The following DYSF variants were observed in gnomAD, a reference collection of about 807,000 sequenced individuals.
DYSF encodes dystrophy-associated fer-1-like 1.
DYSF carries 212 observed loss-of-function variants against 274.9 expected under a neutral mutation model. That is an observed-to-expected ratio of 0.77 (90% CI 0.69 to 0.86). DYSF has a LOEUF of 0.86. Among genes scored for constraint, DYSF ranks in the 40% least tolerant of loss-of-function variants. The pLI, the probability that DYSF is intolerant of heterozygous loss-of-function variation, is 0.00. For missense variants in DYSF, 2,666 were observed against 2,783.2 expected, an observed-to-expected ratio of 0.96 and a Z score of 0.95; for synonymous variants, 1,091 against 1,078.7, an observed-to-expected ratio of 1.01 and a Z score of -0.22.
At chr2:71,526,146 G>C in intron 12 of DYSF, 74 bp from the exon 13 acceptor site, 1 of 1,613,100 alleles carries the variant, frequency 6.2e-7, no homozygotes, top group Non-Finnish European at 8.5e-7. Context: ...GGCGAAGCTG[G>C]AACTCTTAGA....
chr2:71,678,505 G>A (rs929781879), intron 52 of DYSF, among the ~76,000 whole-genome samples: 1 of 152,152 alleles, frequency 6.6e-6, no homozygotes, highest in African/African-American at 2.4e-5. Context: ...ACAGAAAGTA[G>A]ACTAGAGGTT....
At chr2:71,458,102 T>G (rs2081144614) in intron 1 of DYSF, among the ~76,000 whole-genome samples, 1 of 152,172 alleles carries the variant, frequency 6.6e-6, no homozygotes, top group African/African-American at 2.4e-5. Flanking sequence ...GCAAGTTACT[T>G]AACCACTCTG....
chr2:71,551,973 C>T (rs556635177), intron 19 of DYSF, among the ~76,000 whole-genome samples: 1 of 152,330 alleles, frequency 6.6e-6, no homozygotes, highest in South Asian at 2.1e-4. Flanking sequence ...GAGCTTGATG[C>T]AAAATGAGAT....
intron 41 of DYSF, among the ~76,000 whole-genome samples, chr2:71,628,327 A>G (rs1268324869): frequency 6.6e-6 from 1 of 152,016 alleles, no homozygotes. Context: ...CTTTTGTACA[A>G]TATTTTAGTT....
At chr2:71,645,702 G>A (rs114950228) in intron 42 of DYSF, among the ~76,000 whole-genome samples, 2,635 of 151,988 alleles carry the variant, frequency 0.017, 74 homozygotes, top group African/African-American at 0.06. Context: ...CCTCTACCCA[G>A]CACTTACCTG....
intron 42 of DYSF, among the ~76,000 whole-genome samples, chr2:71,653,269 A>G (rs1443493458): frequency 6.6e-6 from 1 of 152,202 alleles, no homozygotes; most frequent in Non-Finnish European, 1.5e-5. Flanking sequence ...TCAGGGATCT[A>G]GAACTAGAAA....
intron 17 of DYSF, among the ~76,000 whole-genome samples, chr2:71,541,551 C>T (rs923457490): frequency 2.6e-5 from 4 of 151,076 alleles, no homozygotes; most frequent in Non-Finnish European, 4.4e-5. Flanking sequence ...TATTTTAAAA[C>T]TTTATTGGAC....
rs74489386 is a variant in DYSF, at chr2:71,655,526, A to G, written c.4627-636A>G. Among the ~76,000 whole-genome samples the G allele has an allele frequency of 3.2e-3, 488 of 152,366 alleles. 1 individual carries two copies. Among genetic ancestry groups the G allele is most frequent in the African/African-American group, 0.011 (476 of 41,588 alleles). On this transcript the variant is annotated intron_variant, in intron 42 of 55. Transcript: ENST00000410020. ...TTGCTGCTTTATTAAATCCTAAGCA[A>G]TTCTAAAGCACTGCTTTAACAAATA...
intron 36 of DYSF, among the ~76,000 whole-genome samples, chr2:71,608,277 G>C (rs2093681661): frequency 6.6e-6 from 1 of 152,036 alleles, no homozygotes; most frequent in South Asian, 2.1e-4. Context: ...GGTGGATTTG[G>C]GAGATGGGGA....
intron 3 of DYSF, among the ~76,000 whole-genome samples, chr2:71,487,097 C>T (rs577723018): frequency 5.3e-5 from 8 of 152,294 alleles, no homozygotes; most frequent in Middle Eastern, 3.4e-3. Context: ...GTTTTCATTG[C>T]GCAGCCTGGG....
intron 18 of DYSF, 27 bp from the exon 19 acceptor site, chr2:71,551,580 C>T (rs1219982756): frequency 1.9e-6 from 3 of 1,579,554 alleles, no homozygotes; most frequent in East Asian, 4.5e-5. Flanking sequence ...GTCTCCCCTG[C>T]TCCTTGTGAC....
intron 22 of DYSF, among the ~76,000 whole-genome samples, chr2:71,560,088 G>C (rs111568061): frequency 2.6e-5 from 4 of 152,324 alleles, no homozygotes; most frequent in Non-Finnish European, 5.9e-5. Flanking sequence ...GCTTTGCTTA[G>C]GGCTGGGTGG....
rs771665705 is a variant in DYSF, at chr2:71,669,163, C to T, written c.5598C>T (p.Asp1866=). ...IWNTRDVILD[D]LSLTGEKMSD... ...ATACCAGAGATGTGATCCTGGATGACCTGAGCCTCACGGGGGAGAAGATGA... is the reference window on the plus strand; with the variant it reads ...ATACCAGAGATGTGATCCTGGATGATCTGAGCCTCACGGGGGAGAAGATGA... Residue 1866 remains aspartate, a synonymous_variant, in exon 50 of 56, where the codon GAC becomes GAT. Transcript: ENST00000410020. 1 of 1,610,780 alleles carries T rather than the reference C, an allele frequency of 6.2e-7. No homozygotes were observed. The highest frequency in any genetic ancestry group is 8.5e-7 in the Non-Finnish European group (1 of 1,178,618).
intron 19 of DYSF, among the ~76,000 whole-genome samples, chr2:71,552,134 C>T (rs1230890209): frequency 6.6e-6 from 1 of 152,234 alleles, no homozygotes; most frequent in African/African-American, 2.4e-5. Flanking sequence ...ATCCCCATTT[C>T]ACAGATGAGG....
intron 46 of DYSF, among the ~76,000 whole-genome samples, 185 bp downstream of exon 46, chr2:71,664,623 A>G (rs1286900564): frequency 6.6e-6 from 1 of 152,196 alleles, no homozygotes; most frequent in African/African-American, 2.4e-5. Flanking sequence ...TGAAGCCCAG[A>G]GATGTTATTG....
chr2:71,479,109 G>A (rs973450624), intron 1 of DYSF, among the ~76,000 whole-genome samples: 2 of 148,056 alleles, frequency 1.4e-5, no homozygotes, highest in African/African-American at 5.0e-5. Flanking sequence ...GGAGACCAAA[G>A]GCTTTCCACT....
intron 30 of DYSF, among the ~76,000 whole-genome samples, chr2:71,582,231 A>G (rs939564443): frequency 1.3e-5 from 2 of 151,542 alleles, no homozygotes; most frequent in South Asian, 2.1e-4. Context: ...CAGAGACCCT[A>G]TGGCCCACGA....
In DYSF at chr2:71,589,588, T is replaced by C. The variant is rs748560095; in HGVS notation, c.3403-5T>C. On this transcript the variant is annotated splice_region_variant and splice_polypyrimidine_tract_variant and intron_variant, in intron 30 of 55. Transcript: ENST00000410020. ...AATCTGCCATAACCAGCTTCGTGTCTCCAGGGCGGCGTGATGGATGACAAG... is the reference window on the plus strand; with the variant it reads ...AATCTGCCATAACCAGCTTCGTGTCCCCAGGGCGGCGTGATGGATGACAAG... The C allele has an allele frequency of 1.2e-6, 2 of 1,613,760 alleles. No homozygotes were observed. Among genetic ancestry groups the C allele is most frequent in the African/African-American group, 2.7e-5 (2 of 74,878 alleles).
At position 71,686,700 on chromosome 2, in the gene DYSF, C is replaced by A; in HGVS notation, c.*208C>A. On this transcript the variant is annotated 3_prime_UTR_variant, in exon 56 of 56. Coordinates refer to ENST00000410020, the MANE Select transcript of DYSF (RefSeq NM_001130987.2). ...ACCCCACTTCCATCATTTCCTTCTCCCCCAACCCAACGCTTTTTTGGATCA... is the reference window on the plus strand; with the variant it reads ...ACCCCACTTCCATCATTTCCTTCTCACCCAACCCAACGCTTTTTTGGATCA... 1.6e-6 allele frequency: 1 copy of A among 634,598 alleles called. No homozygotes were observed. The highest frequency in any genetic ancestry group is 2.8e-6 in the Non-Finnish European group (1 of 355,394). 39.3% of individuals were successfully genotyped at this position (634,598 alleles called of 1,614,324 possible).
Sources: gnomAD v4.1 joint callset for allele counts (sites outside exome capture counted in the v4.1 genomes callset) on GRCh38, gnomAD v4.1.1 for gene constraint, MANE v1.5 for transcripts, NCBI Gene and HGNC (gene_info 2026-07-23, HGNC 2026-07-21) for gene names.